Variants in ASIC2 observed in about 807,000 individuals in gnomAD.
The protein encoded by ASIC2 is acid-sensing ion channel 2.
ASIC2 carries 25 observed loss-of-function variants against 57.3 expected under a neutral mutation model. That is an observed-to-expected ratio of 0.44 (90% CI 0.32 to 0.61). The LOEUF (loss-of-function observed/expected upper bound fraction) is 0.61, where lower values mean the gene tolerates loss of function less well. ASIC2 is among the 20% of genes least tolerant of loss of function. The probability of loss-of-function intolerance (pLI) is 0.06; values close to 1 mark genes in which losing one functional copy is unlikely to be tolerated. For synonymous variants in ASIC2, 319 were observed against 307.5 expected, an observed-to-expected ratio of 1.04 and a Z score of -0.39; for missense variants, 641 against 738.1, an observed-to-expected ratio of 0.87 and a Z score of 1.52.
chr17:33,797,810 C>T (rs573277295), intron 1 of ASIC2, among the ~76,000 whole-genome samples: 1 of 152,150 alleles, frequency 6.6e-6, no homozygotes, highest in African/African-American at 2.4e-5. Context: ...GGACACTGCT[C>T]AGTGCTTGCA....
At chr17:33,497,140 C>T (rs1331860372) in intron 1 of ASIC2, among the ~76,000 whole-genome samples, 1 of 152,212 alleles carries the variant, frequency 6.6e-6, no homozygotes, top group Non-Finnish European at 1.5e-5. Flanking sequence ...AGGTAGTGGG[C>T]ATGTGTGATT....
intron 1 of ASIC2, among the ~76,000 whole-genome samples, chr17:33,536,094 C>A (rs1253986975): frequency 6.6e-6 from 1 of 152,170 alleles, no homozygotes; most frequent in Non-Finnish European, 1.5e-5. Context: ...AGCCCAAGAG[C>A]AAAAGTGTGT....
intron 1 of ASIC2, among the ~76,000 whole-genome samples, chr17:33,778,482 T>A (rs76316066): frequency 3.3e-5 from 5 of 152,160 alleles, no homozygotes; most frequent in African/African-American, 1.2e-4. Context: ...AATCCCATTA[T>A]CCATTGGATG....
At chr17:33,940,241 G>A (rs1173481595) in intron 1 of ASIC2, among the ~76,000 whole-genome samples, 1 of 151,930 alleles carries the variant, frequency 6.6e-6, no homozygotes, top group East Asian at 1.9e-4. Context: ...TCATGAGTGA[G>A]GACTTCAGAC....
intron 1 of ASIC2, among the ~76,000 whole-genome samples, chr17:34,026,040 T>C (rs1279300557): frequency 6.6e-6 from 1 of 152,160 alleles, no homozygotes; most frequent in African/African-American, 2.4e-5. Context: ...GGGCTGGAGA[T>C]AGCCTACGCA....
At chr17:34,087,554 TTCTC>T (rs917348764) in intron 1 of ASIC2, among the ~76,000 whole-genome samples, 4 of 152,188 alleles carry the variant, frequency 2.6e-5, no homozygotes, top group African/African-American at 4.8e-5. Flanking sequence ...CTTTGTGGCG[TTCTC>T]TCTATTTCCT....
intron 1 of ASIC2, among the ~76,000 whole-genome samples, chr17:33,759,831 G>A (rs1910726737): frequency 1.3e-5 from 2 of 152,194 alleles, no homozygotes; most frequent in Admixed American, 6.5e-5. Context: ...GAAAGCAGAA[G>A]CTGTGGAGGC....
chr17:33,522,581 A>G (rs1458423593), intron 1 of ASIC2, among the ~76,000 whole-genome samples: 1 of 152,136 alleles, frequency 6.6e-6, no homozygotes, highest in Non-Finnish European at 1.5e-5. Context: ...CGTCTCCCAG[A>G]ATTGCCTTGG....
At chr17:33,689,819 G>A (rs1051075772) in intron 1 of ASIC2, among the ~76,000 whole-genome samples, 13 of 152,328 alleles carry the variant, frequency 8.5e-5, no homozygotes, top group African/African-American at 3.1e-4. Context: ...CAGAGCAGAA[G>A]GCCATGTGAT....
At chr17:33,929,049 A>G (rs1363485514) in intron 1 of ASIC2, among the ~76,000 whole-genome samples, 2 of 152,058 alleles carry the variant, frequency 1.3e-5, no homozygotes, top group Non-Finnish European at 2.9e-5. Flanking sequence ...ACCAGATAGC[A>G]CTGCCTTAAC....
At chr17:33,504,619 C>T (rs1038847143) in intron 1 of ASIC2, among the ~76,000 whole-genome samples, 2 of 152,178 alleles carry the variant, frequency 1.3e-5, no homozygotes, top group Non-Finnish European at 2.9e-5. Context: ...GGATTATAGG[C>T]GTGAGCCACT....
chr17:33,096,177 T>C (rs537904971), intron 2 of ASIC2, among the ~76,000 whole-genome samples: 2 of 152,358 alleles, frequency 1.3e-5, no homozygotes, highest in Admixed American at 1.3e-4. Flanking sequence ...TTTCTTCTTA[T>C]TTCCCTAAAG....
At chr17:34,065,643 C>CTGTAATAA (rs1248519274) in intron 1 of ASIC2, among the ~76,000 whole-genome samples, 1 of 152,130 alleles carries the variant, frequency 6.6e-6, no homozygotes, top group East Asian at 1.9e-4. Flanking sequence ...TGCTTTCTGC[C>CTGTAATAA]CAGGGCAAAC....
At chr17:33,311,371 T>C (rs1284691785) in intron 1 of ASIC2, among the ~76,000 whole-genome samples, 3 of 152,076 alleles carry the variant, frequency 2.0e-5, no homozygotes, top group Non-Finnish European at 4.4e-5. Flanking sequence ...CCCATGTACA[T>C]TCTGGTTGCT....
At chr17:33,681,197 G>A (rs1273089277) in intron 1 of ASIC2, among the ~76,000 whole-genome samples, 1 of 152,234 alleles carries the variant, frequency 6.6e-6, no homozygotes, top group African/African-American at 2.4e-5. Flanking sequence ...TGGCCCAGGG[G>A]AGCATCTGGT....
At chr17:33,049,619 G>A (rs1046630966) in intron 3 of ASIC2, among the ~76,000 whole-genome samples, 2 of 152,182 alleles carry the variant, frequency 1.3e-5, no homozygotes, top group African/African-American at 2.4e-5. Context: ...AACACAGCTG[G>A]TGCTCAGTCA....
intron 1 of ASIC2, among the ~76,000 whole-genome samples, chr17:33,684,914 A>G (rs1390240467): frequency 6.6e-6 from 1 of 152,204 alleles, no homozygotes; most frequent in Admixed American, 6.5e-5. Context: ...GCAGGATCCT[A>G]TTGTGAAACC....
intron 1 of ASIC2, among the ~76,000 whole-genome samples, chr17:33,461,801 A>G (rs1402493429): frequency 6.6e-6 from 1 of 152,164 alleles, no homozygotes; most frequent in Non-Finnish European, 1.5e-5. Flanking sequence ...AAGCACACAC[A>G]CATGACTAGA....
At chr17:33,837,605 C>T (rs1272594918) in intron 1 of ASIC2, among the ~76,000 whole-genome samples, 1 of 152,226 alleles carries the variant, frequency 6.6e-6, no homozygotes, top group Non-Finnish European at 1.5e-5. Context: ...TGCCTCTCTA[C>T]TTCAGGATCA....
Sources: gnomAD v4.1 joint callset for allele counts (sites outside exome capture counted in the v4.1 genomes callset) on GRCh38, gnomAD v4.1.1 for gene constraint, MANE v1.5 for transcripts, NCBI Gene and HGNC (gene_info 2026-07-23, HGNC 2026-07-21) for gene names.